DPH6: variants seen among roughly 807,000 people sequenced by gnomAD.
The protein encoded by DPH6 is diphthine--ammonia ligase.
Under a neutral mutation model 38.2 loss-of-function variants are expected in DPH6, and 33 were observed. That is an observed-to-expected ratio of 0.86 (90% CI 0.65 to 1.15). The LOEUF is 1.15. Among genes scored for constraint, DPH6 ranks in the 50% most tolerant of loss-of-function variants. The pLI is 0.00. For synonymous variants in DPH6, 108 were observed against 103.0 expected (o/e 1.05, Z -0.30); for missense variants, 325 against 320.0 (o/e 1.02, Z -0.12).
At chr15:35,430,266 T>C (rs1050869015) in intron 5 of DPH6, among the ~76,000 whole-genome samples, 1 of 152,168 alleles carries the variant, frequency 6.6e-6, no homozygotes, top group African/African-American at 2.4e-5. Context: ...TGGAGTTTAT[T>C]ATTTGTTAAT....
intron 3 of DPH6, among the ~76,000 whole-genome samples, chr15:35,470,272 C>A (rs1345142096): frequency 1.3e-5 from 2 of 151,694 alleles, no homozygotes; most frequent in Non-Finnish European, 2.9e-5. Flanking sequence ...GACAGAAAAG[C>A]CAAAAGAAAG....
At position 35,397,868 on chromosome 15, in the gene DPH6, T is replaced by TATACAC. The variant is rs752473433; in HGVS notation, c.567+12966_567+12967insGTGTAT. On this transcript the variant is annotated intron_variant, in intron 6 of 8. Coordinates refer to ENST00000256538, the MANE Select transcript of DPH6 (RefSeq NM_080650.4). Reference sequence around the variant, plus strand: ...AATAGATGGAATCAATTTATATATATACACACACACACACACACACACACA... The same window carrying TATACAC: ...AATAGATGGAATCAATTTATATATATATACACACACACACACACACACACACACACA... Among the ~76,000 whole-genome samples the TATACAC allele has an allele frequency of 7.6e-3, 666 of 87,234 alleles. 6 individuals carry two copies. The highest frequency in any genetic ancestry group is 0.024 in the Middle Eastern group (4 of 166). 57.2% of individuals were successfully genotyped at this position (87,234 alleles called of 152,430 possible). A position where few individuals can be genotyped will look rare whatever the true frequency, so the allele number is the denominator to read the frequency against.
chr15:35,195,028 T>A, the DPH6 span, among the ~76,000 whole-genome samples: 1 of 152,188 alleles, frequency 6.6e-6, no homozygotes, highest in Admixed American at 6.5e-5. Flanking sequence ...TATCTAAGTG[T>A]TTATTTGTAC....
chr15:35,400,630 C>A, intron 6 of DPH6: 1 of 525,574 alleles, frequency 1.9e-6, no homozygotes, highest in Non-Finnish European at 3.4e-6. Flanking sequence ...ACAAAATTAG[C>A]CTTTCTGCCA....
chr15:35,470,701 A>G (rs1305673490), intron 3 of DPH6, among the ~76,000 whole-genome samples: 2 of 152,220 alleles, frequency 1.3e-5, no homozygotes, highest in Non-Finnish European at 2.9e-5. Context: ...GCTAACAAAC[A>G]GAAACATTAT....
intron 3 of DPH6, among the ~76,000 whole-genome samples, chr15:35,279,436 G>C (rs569347003): frequency 2.0e-5 from 3 of 152,104 alleles, no homozygotes; most frequent in Non-Finnish European, 4.4e-5. Flanking sequence ...CCCTCCAAAT[G>C]TCAGGTTGAA....
At chr15:35,148,433 A>G in the DPH6 span, among the ~76,000 whole-genome samples, 1 of 152,336 alleles carries the variant, frequency 6.6e-6, no homozygotes, top group South Asian at 2.1e-4. Context: ...TTGGTTCAAT[A>G]GATTGAAATA....
chr15:35,220,340 G>T (rs1464344284), exon 4 of DPH6: 1 of 152,152 alleles, frequency 6.6e-6, no homozygotes, highest in African/African-American at 2.4e-5. Context: ...TAGTAGATTT[G>T]TTACAACTGA....
intron 3 of DPH6, among the ~76,000 whole-genome samples, chr15:35,233,315 T>G (rs1373588): frequency 0.078 from 11,933 of 152,072 alleles, 856 homozygotes; most frequent in East Asian, 0.4. Context: ...GTATCAAAAG[T>G]AAATAAATAA....
At chr15:35,181,098 C>A in the DPH6 span, among the ~76,000 whole-genome samples, 10 of 152,226 alleles carry the variant, frequency 6.6e-5, no homozygotes, top group East Asian at 1.9e-3. Context: ...TGGCTTTGAG[C>A]TCTTAGGGCA....
the DPH6 span, among the ~76,000 whole-genome samples, chr15:35,201,941 T>C: frequency 6.6e-6 from 1 of 151,766 alleles, no homozygotes; most frequent in Non-Finnish European, 1.5e-5. Flanking sequence ...AAGTCTGTTA[T>C]GTCAGTCCAT....
At chr15:35,267,835 T>G (rs117744429) in intron 3 of DPH6, among the ~76,000 whole-genome samples, 1 of 152,164 alleles carries the variant, frequency 6.6e-6, no homozygotes, top group African/African-American at 2.4e-5. Flanking sequence ...TATAACCTAA[T>G]GGAAGCAAAG....
intron 3 of DPH6, among the ~76,000 whole-genome samples, chr15:35,518,246 T>C (rs1241452037): frequency 1.3e-5 from 2 of 152,044 alleles, no homozygotes; most frequent in African/African-American, 4.8e-5. Flanking sequence ...AAGTGGCTTT[T>C]AAACTCTGTT....
chr15:35,327,920 T>G (rs2052297999), downstream of DPH6, among the ~76,000 whole-genome samples: 1 of 152,172 alleles, frequency 6.6e-6, no homozygotes, highest in Non-Finnish European at 1.5e-5. Context: ...ACTTGACTCT[T>G]TAGTTATTTG....
intron 3 of DPH6, among the ~76,000 whole-genome samples, chr15:35,303,419 A>G (rs528631486): frequency 1.3e-5 from 2 of 152,044 alleles, no homozygotes; most frequent in East Asian, 1.9e-4. Flanking sequence ...AGACGTTCCA[A>G]TGACAAATAT....
intron 3 of DPH6, among the ~76,000 whole-genome samples, chr15:35,334,599 C>T (rs371683963): frequency 6.6e-6 from 1 of 151,998 alleles, no homozygotes; most frequent in Non-Finnish European, 1.5e-5. Flanking sequence ...TGTTCCCCAC[C>T]ACGTGTCCAT....
chr15:35,326,609 A>C (rs569525585), downstream of DPH6, among the ~76,000 whole-genome samples: 2 of 151,976 alleles, frequency 1.3e-5, no homozygotes, highest in South Asian at 2.1e-4. Flanking sequence ...TTTTTAAAAA[A>C]ATTTTTTGTA....
At chr15:35,286,035 T>C (rs779526176) in intron 3 of DPH6, among the ~76,000 whole-genome samples, 1 of 152,008 alleles carries the variant, frequency 6.6e-6, no homozygotes, top group Admixed American at 6.6e-5. Context: ...AATGAACTTA[T>C]TAAAGACAAG....
chr15:35,168,446 A>G, the DPH6 span, among the ~76,000 whole-genome samples: 1 of 152,042 alleles, frequency 6.6e-6, no homozygotes, highest in Non-Finnish European at 1.5e-5. Context: ...CCGATAATTT[A>G]ATGCTGCCTC....
Sources: gnomAD v4.1 joint callset for allele counts (sites outside exome capture counted in the v4.1 genomes callset) on GRCh38, gnomAD v4.1.1 for gene constraint, MANE v1.5 for transcripts, NCBI Gene and HGNC (gene_info 2026-07-23, HGNC 2026-07-21) for gene names.